Variants in HS3ST3A1 observed in about 807,000 individuals in gnomAD.
The protein encoded by HS3ST3A1 is heparan sulfate-glucosamine 3-sulfotransferase 3A1.
HS3ST3A1 carries 19 observed loss-of-function variants against 25.7 expected under a neutral mutation model. The ratio of observed to expected loss-of-function variants is 0.74; its 90% CI spans 0.52 to 1.08. HS3ST3A1 has a LOEUF of 1.08. Among genes scored for constraint, HS3ST3A1 ranks in the 50% least tolerant of loss-of-function variants. HS3ST3A1 has a pLI of 0.00. For missense variants in HS3ST3A1, 459 were observed against 594.3 expected, an observed-to-expected ratio of 0.77 and a Z score of 2.37; for synonymous variants, 226 against 278.6, an observed-to-expected ratio of 0.81 and a Z score of 1.88.
rs114778996 is a variant in HS3ST3A1 at position 13,536,089 on chromosome 17, C to T, written c.600-39271G>A. 4.4e-3 allele frequency among the ~76,000 whole-genome samples: 672 copies of T among 152,158 alleles called. 7 individuals are homozygous for T. Among genetic ancestry groups the T allele is most frequent in the Middle Eastern group, 0.017 (5 of 294 alleles). On this transcript the variant is annotated intron_variant, in intron 1 of 1. Coordinates refer to ENST00000284110, the MANE Select transcript of HS3ST3A1 (RefSeq NM_006042.3). ...AGTCAAGTAATATGCTTGGGTTTAGCGATACTTTTATGGTTAAAATAAGAA... is the reference window on the plus strand; with the variant it reads ...AGTCAAGTAATATGCTTGGGTTTAGTGATACTTTTATGGTTAAAATAAGAA...
chr17:13,529,619 T>C (rs185010422), intron 1 of HS3ST3A1, among the ~76,000 whole-genome samples: 249 of 152,356 alleles, frequency 1.6e-3, no homozygotes, highest in Non-Finnish European at 2.7e-3. Context: ...AAAAGTCTAC[T>C]GTAAAAAATC....
intron 1 of HS3ST3A1, among the ~76,000 whole-genome samples, chr17:13,543,934 A>C (rs1188310168): frequency 6.6e-6 from 1 of 152,200 alleles, no homozygotes; most frequent in Admixed American, 6.5e-5. Flanking sequence ...ACCACTAAGT[A>C]GCTCATTATC....
intron 1 of HS3ST3A1, among the ~76,000 whole-genome samples, chr17:13,595,056 C>G (rs1908539892): frequency 6.6e-6 from 1 of 151,546 alleles, no homozygotes; most frequent in South Asian, 2.1e-4. Context: ...ACGGCAAGTA[C>G]TAAACTTCAT....
At chr17:13,596,253 GC>G (rs1239030677) in intron 1 of HS3ST3A1, among the ~76,000 whole-genome samples, 1 of 152,016 alleles carries the variant, frequency 6.6e-6, no homozygotes, top group Non-Finnish European at 1.5e-5. Flanking sequence ...GTTGTTTAAT[GC>G]CCGGACTATG....
chr17:13,601,104 G>A lies in HS3ST3A1; in HGVS notation c.26C>T (p.Ala9Val). The A allele has an allele frequency of 6.3e-7, 1 of 1,582,556 alleles. No homozygotes were observed. The highest frequency in any genetic ancestry group is 2.4e-5 in the East Asian group (1 of 42,268). ...CAGCGGCTCGGCCGAGGTGGAGAGG[G>A]CACTGGCCGGGCCCGGAGGGGCCAT... is the stretch of plus-strand genomic sequence containing the variant. MAPPGPASALSTSAEPLSR... is the reference protein window; with the variant it reads MAPPGPASVLSTSAEPLSR... Residue 9 changes from alanine to valine, a missense_variant, in exon 1 of 2, where the codon GCC becomes GTC. Physicochemically the swap from Ala to Val is moderately conservative, Grantham distance 64. Transcript: ENST00000284110.
At chr17:13,504,997 C>T (rs1254679174) in intron 1 of HS3ST3A1, among the ~76,000 whole-genome samples, 1 of 152,202 alleles carries the variant, frequency 6.6e-6, no homozygotes, top group Non-Finnish European at 1.5e-5. Context: ...ACGACTTTCT[C>T]AGCTAATCTT....
intron 1 of HS3ST3A1, among the ~76,000 whole-genome samples, chr17:13,498,063 T>C (rs886433832): frequency 2.0e-5 from 3 of 152,184 alleles, no homozygotes; most frequent in East Asian, 1.9e-4. Flanking sequence ...ACACCTCACA[T>C]CCAGCTTCAA....
At chr17:13,556,807 G>A (rs1256065866) in intron 1 of HS3ST3A1, among the ~76,000 whole-genome samples, 2 of 149,660 alleles carry the variant, frequency 1.3e-5, no homozygotes, top group Admixed American at 6.7e-5. Flanking sequence ...AGCAGAGATC[G>A]CGCCACTGCA....
At chr17:13,502,532 T>C (rs1905513863) in intron 1 of HS3ST3A1, among the ~76,000 whole-genome samples, 5 of 152,186 alleles carry the variant, frequency 3.3e-5, no homozygotes, top group Admixed American at 3.3e-4. Context: ...CTTATCAATT[T>C]GGGCCATTTG....
At chr17:13,558,546 C>T (rs1907441085) in intron 1 of HS3ST3A1, among the ~76,000 whole-genome samples, 1 of 152,086 alleles carries the variant, frequency 6.6e-6, no homozygotes, top group Non-Finnish European at 1.5e-5. Flanking sequence ...ATGATTATCT[C>T]GAGCGAAGGA....
intron 1 of HS3ST3A1, among the ~76,000 whole-genome samples, chr17:13,575,059 T>C (rs1013507085): frequency 1.6e-4 from 24 of 152,032 alleles, no homozygotes; most frequent in African/African-American, 5.6e-4. Context: ...ATCTAATTCC[T>C]ATCCATTTTT....
intron 1 of HS3ST3A1, among the ~76,000 whole-genome samples, chr17:13,568,238 AC>A (rs1160700331): frequency 5.9e-5 from 9 of 152,378 alleles, no homozygotes; most frequent in Admixed American, 4.6e-4. Context: ...TAAGGTATGT[AC>A]TTTTTTAGAC....
At chr17:13,577,176 C>T (rs148832143) in intron 1 of HS3ST3A1, among the ~76,000 whole-genome samples, 7 of 152,262 alleles carry the variant, frequency 4.6e-5, no homozygotes, top group Admixed American at 2.6e-4. Flanking sequence ...TTACCTTCCA[C>T]CAGGTCCCTT....
rs376549768 is a variant in HS3ST3A1, at chr17:13,556,018, A to G, written c.599+44513T>C. 2.9e-4 allele frequency: 44 copies of G among 152,294 alleles called. No individual in the cohort carries two copies. In the East Asian group the frequency reaches 3.1e-3, roughly 11 times the overall value. The allele number at this position is 152,294 out of a possible 1,614,324, so 9.4% of individuals were successfully genotyped here. On this transcript the variant is annotated intron_variant, in intron 1 of 1. Transcript: ENST00000284110. ...GCAAAATGACCTAAGAAGAAGAAAA[A>G]TCTGGGAAGCCCTTCTTCAGTACTG...
chr17:13,579,796 C>G (rs1054199765), intron 1 of HS3ST3A1, among the ~76,000 whole-genome samples: 1 of 147,824 alleles, frequency 6.8e-6, no homozygotes, highest in Non-Finnish European at 1.5e-5. Context: ...CATGGGGAAA[C>G]CCTGTCTCTA....
At chr17:13,587,252 G>A (rs1407865189) in intron 1 of HS3ST3A1, among the ~76,000 whole-genome samples, 3 of 151,924 alleles carry the variant, frequency 2.0e-5, no homozygotes, top group South Asian at 4.2e-4. Context: ...TCAGGAGATC[G>A]AGATCATCCT....
At chr17:13,534,317 T>C (rs1906702057) in intron 1 of HS3ST3A1, among the ~76,000 whole-genome samples, 1 of 151,986 alleles carries the variant, frequency 6.6e-6, no homozygotes, top group African/African-American at 2.4e-5. Context: ...TAGGATACCT[T>C]TTATTGTACT....
chr17:13,595,697 C>T (rs978240954), intron 1 of HS3ST3A1, among the ~76,000 whole-genome samples: 1 of 152,188 alleles, frequency 6.6e-6, no homozygotes, highest in Non-Finnish European at 1.5e-5. Flanking sequence ...TCTTTTTCAG[C>T]CAAGTTACTA....
intron 1 of HS3ST3A1, among the ~76,000 whole-genome samples, chr17:13,548,227 T>C (rs140756532): frequency 3.0e-4 from 46 of 152,238 alleles, no homozygotes; most frequent in African/African-American, 8.7e-4. Context: ...AGGTCCAAGA[T>C]CAAGGTGTAG....
Sources: allele counts gnomAD v4.1 joint callset (sites outside exome capture counted in the v4.1 genomes callset), GRCh38; gene constraint gnomAD v4.1.1; transcripts MANE v1.5; gene names NCBI Gene and HGNC (gene_info 2026-07-23, HGNC 2026-07-21).